DENND4A: variants seen among roughly 807,000 people sequenced by gnomAD.
The protein encoded by DENND4A is C-myc promoter-binding protein.
A neutral mutation model predicts 199.3 loss-of-function variants in DENND4A; 70 were observed. That is an observed-to-expected ratio of 0.35 (90% CI 0.29 to 0.43). The LOEUF is 0.43. DENND4A is among the 20% of genes least tolerant of loss of function. DENND4A has a pLI of 1.00. For synonymous variants in DENND4A, 686 were observed against 766.9 expected (o/e 0.89, Z 1.74); for missense variants, 1,723 against 2,255.8 (o/e 0.76, Z 4.78).
rs1596561464 is a variant in DENND4A, at chr15:65,737,697, C to G, written c.1040+10G>C. The G allele has an allele frequency of 6.4e-7, 1 of 1,559,124 alleles. No homozygotes were observed. Among genetic ancestry groups the G allele is most frequent in the Non-Finnish European group, 8.7e-7 (1 of 1,151,676 alleles). On this transcript the variant is annotated intron_variant, in intron 7 of 32. Coordinates refer to ENST00000443035, the MANE Select transcript of DENND4A (RefSeq NM_001320835.1). Reference sequence around the variant, plus strand: ...TCTGTCAAATGTTGAACCAAGAACACTTAACTTACTTCTCAATTGGAAGGA... The same window carrying G: ...TCTGTCAAATGTTGAACCAAGAACAGTTAACTTACTTCTCAATTGGAAGGA...
chr15:65,745,109 T>A (rs765048238), intron 4 of DENND4A, among the ~76,000 whole-genome samples: 91 of 152,312 alleles, frequency 6.0e-4, no homozygotes, highest in Non-Finnish European at 1.0e-3. Context: ...ATATCATAAA[T>A]AGCACTATAT....
chr15:65,725,494 G>A (rs1224207453), intron 11 of DENND4A, among the ~76,000 whole-genome samples: 2 of 152,058 alleles, frequency 1.3e-5, no homozygotes, highest in South Asian at 2.1e-4. Context: ...GGCTAATGCG[G>A]TGAAACCCCG....
At chr15:65,786,321 T>C (rs576929866) in intron 1 of DENND4A, among the ~76,000 whole-genome samples, 5 of 152,172 alleles carry the variant, frequency 3.3e-5, no homozygotes, top group African/African-American at 4.8e-5. Flanking sequence ...AAAAGCAAGC[T>C]TTAAAATCCA....
rs767412662 is a variant in DENND4A, at chr15:65,752,439, A to G, written c.501T>C (p.Ser167=). The G allele has an allele frequency of 6.2e-6, 10 of 1,613,252 alleles. No individual in the cohort carries two copies. In the South Asian group the frequency reaches 1.1e-4, roughly 18 times the overall value. ...AVTDICIIIP[S]KGESPPHTFC... is the part of the protein sequence containing the mutation. ...ACGTGTGTGGTGGGCTTTCTCCTTTACTGGGTATAATAATACATATGTCAG... is the reference window on the plus strand; with the variant it reads ...ACGTGTGTGGTGGGCTTTCTCCTTTGCTGGGTATAATAATACATATGTCAG... Residue 167 remains serine (S), a synonymous_variant, in exon 4 of 33, where the codon AGT becomes AGC. Coordinates refer to ENST00000443035, the MANE Select transcript of DENND4A (RefSeq NM_001320835.1).
rs1006172986 is a variant in DENND4A, at chr15:65,665,409, T to C, written c.5295A>G (p.Leu1765=). 1 of 1,613,746 alleles carries C rather than the reference T, an allele frequency of 6.2e-7. No individual in the cohort carries two copies. The highest frequency in any genetic ancestry group is 8.5e-7 in the Non-Finnish European group (1 of 1,179,714). ...CCTGATGTAACTTCATATTGTCCCATAACATTTGTATTAAAACATATTTGC... is the reference window on the plus strand; with the variant it reads ...CCTGATGTAACTTCATATTGTCCCACAACATTTGTATTAAAACATATTTGC... The part of the protein sequence containing the change: ...EDSKYVLIQM[L]WDNMKLHQDP... The change falls in exon 30 of 33, where the codon TTA becomes TTG. Residue 1765 remains leucine, a synonymous_variant. Transcript: ENST00000443035.
rs1223095340 is a variant in DENND4A at position 65,725,676 on chromosome 15, C to CA, written c.1488-2729dup. On this transcript the variant is annotated intron_variant, in intron 11 of 32. Coordinates refer to ENST00000443035, the MANE Select transcript of DENND4A (RefSeq NM_001320835.1). ...TGGGCAACAGAGTGAGACTCTGTCTCAAAAAATAAAAATAAAAAAAATAAA... is the reference window on the plus strand; with the variant it reads ...TGGGCAACAGAGTGAGACTCTGTCTCAAAAAAATAAAAATAAAAAAAATAAA... Among the ~76,000 whole-genome samples the CA allele has an allele frequency of 1.5e-4, 14 of 95,476 alleles. No individual in the cohort carries two copies. In the East Asian group the frequency reaches 4.2e-3, roughly 29 times the overall value. The allele number at this position is 95,476 out of a possible 152,430, so 62.6% of individuals were successfully genotyped here. A position where few individuals can be genotyped will look rare whatever the true frequency, so the allele number is the denominator to read the frequency against.
At chr15:65,749,841 C>T (rs1459408351) in intron 4 of DENND4A, among the ~76,000 whole-genome samples, 1 of 152,106 alleles carries the variant, frequency 6.6e-6, no homozygotes, top group Non-Finnish European at 1.5e-5. Flanking sequence ...ACAGCGTTTT[C>T]AGAACAATTA....
intron 14 of DENND4A, among the ~76,000 whole-genome samples, chr15:65,706,896 G>T (rs1030645856): frequency 1.3e-5 from 2 of 152,132 alleles, no homozygotes; most frequent in African/African-American, 2.4e-5. Context: ...GGATGGAATA[G>T]GACCCAGATG....
chr15:65,709,347 T>C (rs1197385698), intron 14 of DENND4A, among the ~76,000 whole-genome samples: 1 of 152,056 alleles, frequency 6.6e-6, no homozygotes, highest in Non-Finnish European at 1.5e-5. Context: ...TTTCAGAGAG[T>C]TCTGGCTAAT....
Position 65,758,636 on chromosome 15 carries a change from T to C in DENND4A, c.-22-2164A>G, listed in dbSNP as rs534916576. On this transcript the variant is annotated intron_variant, in intron 2 of 32. Transcript: ENST00000443035. Reference sequence around the variant, plus strand: ...CTATTTGTTTCTTTAACTAGGAGAATACATTCCACAGTACCATCATTATTT... The same window carrying C: ...CTATTTGTTTCTTTAACTAGGAGAACACATTCCACAGTACCATCATTATTT... 2.6e-5 allele frequency among the ~76,000 whole-genome samples: 4 copies of C among 152,292 alleles called. No individual in the cohort carries two copies. In the South Asian group the frequency reaches 8.3e-4, roughly 32 times the overall value.
intron 14 of DENND4A, among the ~76,000 whole-genome samples, chr15:65,713,330 A>C (rs919916202): frequency 6.6e-6 from 1 of 152,184 alleles, no homozygotes; most frequent in Non-Finnish European, 1.5e-5. Context: ...TATTTCCTTG[A>C]GATTATATAG....
chr15:65,691,415 T>C lies in DENND4A; in HGVS notation c.3179A>G (p.Asp1060Gly). 1 of 1,613,592 alleles carries C rather than the reference T, an allele frequency of 6.2e-7. No homozygotes were observed. Among genetic ancestry groups the C allele is most frequent in the Non-Finnish European group, 8.5e-7 (1 of 1,179,702 alleles). The part of the protein sequence containing the change: ...SRCFRKRHKS[D>G]NETNLQQQVV... Reference sequence around the variant, plus strand: ...TTGCTGCTGCAAATTAGTTTCATTGTCACTTTTATGTCTTTTCCTGAAGCA... The same window carrying C: ...TTGCTGCTGCAAATTAGTTTCATTGCCACTTTTATGTCTTTTCCTGAAGCA... Residue 1060 changes from aspartate (D) to glycine (G), a missense_variant, in exon 23 of 33, where the codon GAC becomes GGC. Asp to Gly is a moderately conservative substitution (Grantham distance 94). Around this residue, in one of 6 missense-constraint regions of DENND4A, gnomAD observed 650 missense variants for 738.1 expected, o/e 0.88. Transcript: ENST00000443035.
At position 65,756,393 on chromosome 15, in the gene DENND4A, CAGT is replaced by C; in HGVS notation, c.55_57del (p.Thr19del). ...TCTTCTTCTAGAGGCTTTGAAACATCAGTTAATCCTGCTACAACAAAGTAGTCA... is the reference window on the plus strand; with the variant it reads ...TCTTCTTCTAGAGGCTTTGAAACATCTAATCCTGCTACAACAAAGTAGTCA... On this transcript the variant is annotated inframe_deletion, in exon 3 of 33. Coordinates refer to ENST00000443035, the MANE Select transcript of DENND4A (RefSeq NM_001320835.1). 6.2e-7 allele frequency: 1 copy of C among 1,613,824 alleles called. No individual in the cohort carries two copies. Among genetic ancestry groups the C allele is most frequent in the Non-Finnish European group, 8.5e-7 (1 of 1,179,840 alleles).
intron 23 of DENND4A, among the ~76,000 whole-genome samples, chr15:65,682,476 G>T (rs2076613126): frequency 6.6e-6 from 1 of 152,178 alleles, no homozygotes; most frequent in Non-Finnish European, 1.5e-5. Context: ...AAGAGAGTTA[G>T]TTAGGGCCTT....
At chr15:65,789,914 G>C (rs2077669465) in intron 1 of DENND4A, among the ~76,000 whole-genome samples, 1 of 152,134 alleles carries the variant, frequency 6.6e-6, no homozygotes, top group Non-Finnish European at 1.5e-5. Flanking sequence ...TCAGCACTTT[G>C]GGAGGCCAAG....
chr15:65,719,746 T>G (rs2075549859), intron 12 of DENND4A, among the ~76,000 whole-genome samples: 1 of 151,750 alleles, frequency 6.6e-6, no homozygotes, highest in Non-Finnish European at 1.5e-5. Flanking sequence ...TTTTTTTTAA[T>G]TAGCTGGGTG....
In DENND4A at chr15:65,676,471, C is replaced by T. The variant is rs1485354616; in HGVS notation, c.4343G>A (p.Ser1448Asn). 1 of 1,609,374 alleles carries T rather than the reference C, an allele frequency of 6.2e-7. No homozygotes were observed. Among genetic ancestry groups the T allele is most frequent in the African/African-American group, 1.3e-5 (1 of 74,826 alleles). The change falls in exon 24 of 33, where the codon AGC (serine) becomes AAC (asparagine). Residue 1448 changes from serine (S) to asparagine (N), a missense_variant. Coordinates refer to ENST00000443035, the MANE Select transcript of DENND4A (RefSeq NM_001320835.1). ...GTKRIDLSRISLESSASLEGS... is the reference protein window; with the variant it reads ...GTKRIDLSRINLESSASLEGS... ...TTCCAAGGATGCAGAACTTTCCAGGCTTATTCGGCTGAGATCAATTCTCTT... is the reference window on the plus strand; with the variant it reads ...TTCCAAGGATGCAGAACTTTCCAGGTTTATTCGGCTGAGATCAATTCTCTT...
At position 65,742,658 on chromosome 15, in the gene DENND4A, C is replaced by T. The variant is rs1437128298; in HGVS notation, c.562-874G>A. Among the ~76,000 whole-genome samples, 5 of 152,232 alleles carry T rather than the reference C, an allele frequency of 3.3e-5. No homozygotes were observed. In the South Asian group the frequency reaches 8.3e-4, roughly 25 times the overall value. Reference sequence around the variant, plus strand: ...GCCATGGTGTTGGCCAGGCTGGTCTCGAACTCCTGACCTCAGGTGATCTGT... The same window carrying T: ...GCCATGGTGTTGGCCAGGCTGGTCTTGAACTCCTGACCTCAGGTGATCTGT... On this transcript the variant is annotated intron_variant, in intron 4 of 32. Coordinates refer to ENST00000443035, the MANE Select transcript of DENND4A (RefSeq NM_001320835.1).
intron 1 of DENND4A, among the ~76,000 whole-genome samples, chr15:65,784,203 C>A (rs535518572): frequency 3.3e-5 from 5 of 152,218 alleles, no homozygotes; most frequent in African/African-American, 1.2e-4. Context: ...TCAAAACCAT[C>A]AAAGTCATCA....
Sources: allele counts gnomAD v4.1 joint callset (sites outside exome capture counted in the v4.1 genomes callset), GRCh38; gene constraint gnomAD v4.1.1; regional missense constraint gnomAD v4.1.1; transcripts MANE v1.5; gene names NCBI Gene and HGNC (gene_info 2026-07-23, HGNC 2026-07-21).